SHISA6: variants seen among roughly 807,000 people sequenced by gnomAD.
The protein encoded by SHISA6 is shisa family member 6.
Under a neutral mutation model 47.9 loss-of-function variants are expected in SHISA6, and 22 were observed. The ratio of observed to expected loss-of-function variants is 0.46; its 90% CI spans 0.33 to 0.66. SHISA6 has a LOEUF of 0.66. SHISA6 is among the 30% of genes least tolerant of loss of function. The pLI, the probability that SHISA6 is intolerant of heterozygous loss-of-function variation, is 0.02. For missense variants in SHISA6, 680 were observed against 764.6 expected, an observed-to-expected ratio of 0.89 and a Z score of 1.30; for synonymous variants, 388 against 337.8, an observed-to-expected ratio of 1.15 and a Z score of -1.63.
At chr17:11,281,971 A>T (rs1249101634) in intron 2 of SHISA6, among the ~76,000 whole-genome samples, 1 of 152,252 alleles carries the variant, frequency 6.6e-6, no homozygotes, top group African/African-American at 2.4e-5. Context: ...AGCAATGGTC[A>T]AATGCATAAA....
intron 3 of SHISA6, among the ~76,000 whole-genome samples, chr17:11,503,881 A>G (rs1030366088): frequency 7.9e-5 from 12 of 152,198 alleles, no homozygotes; most frequent in Admixed American, 7.8e-4. Context: ...CTCCTTCTCT[A>G]TGTACAAGTG....
intron 3 of SHISA6, among the ~76,000 whole-genome samples, chr17:11,466,465 T>A (rs1163776933): frequency 6.6e-6 from 1 of 152,234 alleles, no homozygotes; most frequent in South Asian, 2.1e-4. Context: ...ATCTGCAAAG[T>A]CCCTTTTGCC....
chr17:11,498,305 T>A (rs1435251953), intron 3 of SHISA6, among the ~76,000 whole-genome samples: 1 of 152,210 alleles, frequency 6.6e-6, no homozygotes, highest in Non-Finnish European at 1.5e-5. Flanking sequence ...CTTGGACACA[T>A]CCATATCCTA....
At chr17:11,375,731 T>C (rs540158083) in intron 2 of SHISA6, among the ~76,000 whole-genome samples, 24 of 152,274 alleles carry the variant, frequency 1.6e-4, no homozygotes, top group African/African-American at 4.8e-4. Context: ...GACTTCTGAA[T>C]TGTGCTGAGA....
At chr17:11,307,501 C>A (rs1476703257) in intron 2 of SHISA6, among the ~76,000 whole-genome samples, 2 of 152,190 alleles carry the variant, frequency 1.3e-5, no homozygotes, top group African/African-American at 4.8e-5. Flanking sequence ...GCTTTCAGCC[C>A]AGACGTGGCT....
intron 3 of SHISA6, among the ~76,000 whole-genome samples, chr17:11,494,975 C>T (rs142223450): frequency 6.6e-6 from 1 of 152,248 alleles, no homozygotes; most frequent in African/African-American, 2.4e-5. Flanking sequence ...CTGAGGATGA[C>T]CTACCTCCTG....
intron 3 of SHISA6, among the ~76,000 whole-genome samples, chr17:11,437,486 A>G (rs1914972443): frequency 1.3e-5 from 2 of 152,262 alleles, no homozygotes; most frequent in South Asian, 4.1e-4. Flanking sequence ...TCAGTGCAGC[A>G]TTTTTTGTTT....
At chr17:11,272,055 A>C (rs1597432889) in intron 2 of SHISA6, among the ~76,000 whole-genome samples, 1 of 149,960 alleles carries the variant, frequency 6.7e-6, no homozygotes, top group African/African-American at 2.5e-5. Flanking sequence ...AGCTCCCCTT[A>C]CCTCCTCCTC....
chr17:11,244,053 C>G (rs1907480045), intron 1 of SHISA6, among the ~76,000 whole-genome samples: 1 of 152,156 alleles, frequency 6.6e-6, no homozygotes, highest in Non-Finnish European at 1.5e-5. Flanking sequence ...GGTGTTTTCT[C>G]CCCTTCCCAC....
At chr17:11,403,765 A>G (rs1426397134) in intron 3 of SHISA6, among the ~76,000 whole-genome samples, 1 of 152,228 alleles carries the variant, frequency 6.6e-6, no homozygotes, top group Non-Finnish European at 1.5e-5. Context: ...ATACTTTTAA[A>G]AAAGCAACAA....
chr17:11,321,862 T>A lies in SHISA6; in HGVS notation c.800-57552T>A, dbSNP rs115118434. On this transcript the variant is annotated intron_variant, in intron 2 of 5. Transcript: ENST00000441885. ...CTAAACTGTCTTAAAACATTGAGAG[T>A]TTTTTGTAATTTTTTTTTCAGCTCA... Among the ~76,000 whole-genome samples the A allele has an allele frequency of 5.9e-3, 898 of 152,170 alleles. 10 individuals carry two copies. The highest frequency in any genetic ancestry group is 0.02 in the African/African-American group (840 of 41,524).
chr17:11,473,317 GT>G (rs57900600), intron 3 of SHISA6, among the ~76,000 whole-genome samples: 1 of 152,010 alleles, frequency 6.6e-6, no homozygotes, highest in South Asian at 2.1e-4. Flanking sequence ...TCCATTTTGG[GT>G]TTTTTTTAAT....
At position 11,560,288 on chromosome 17, in the gene SHISA6, G is replaced by A. The variant is rs940338199; in HGVS notation, c.*1984G>A. On this transcript the variant is annotated 3_prime_UTR_variant, in exon 6 of 6. Transcript: ENST00000441885. ...CTGGGGGTTGTGAAAGCCACTGTCA[G>A]ACCCCACACTGGGGATGCATTCCTG... is the stretch of plus-strand genomic sequence containing the variant. 7.9e-5 allele frequency: 12 copies of A among 152,508 alleles called. No homozygotes were observed. Among genetic ancestry groups the A allele is most frequent in the Non-Finnish European group, 1.5e-4 (10 of 68,276 alleles). 9.4% of individuals were successfully genotyped at this position (152,508 alleles called of 1,614,324 possible).
intron 3 of SHISA6, among the ~76,000 whole-genome samples, chr17:11,393,082 A>G (rs543543546): frequency 6.6e-6 from 1 of 152,334 alleles, no homozygotes; most frequent in South Asian, 2.1e-4. Flanking sequence ...TTCTTTAGAT[A>G]TGAGACATTC....
At chr17:11,338,347 G>A (rs1337022267) in intron 2 of SHISA6, among the ~76,000 whole-genome samples, 2 of 152,128 alleles carry the variant, frequency 1.3e-5, no homozygotes, top group East Asian at 1.9e-4. Flanking sequence ...GTATCCTAGA[G>A]CCACATCCTG....
intron 2 of SHISA6, among the ~76,000 whole-genome samples, chr17:11,330,385 G>A (rs1868563065): frequency 6.6e-6 from 1 of 152,122 alleles, no homozygotes; most frequent in South Asian, 2.1e-4. Flanking sequence ...TGTGCTAGGT[G>A]ATAGCAGGCC....
chr17:11,474,051 T>G (rs1334228626), intron 3 of SHISA6, among the ~76,000 whole-genome samples: 15 of 152,180 alleles, frequency 9.9e-5, no homozygotes, highest in Admixed American at 9.8e-4. Flanking sequence ...GAATGATGGC[T>G]TCCAGCTTCA....
chr17:11,423,898 G>A (rs776347307), intron 3 of SHISA6, among the ~76,000 whole-genome samples: 3 of 152,002 alleles, frequency 2.0e-5, no homozygotes, highest in Non-Finnish European at 4.4e-5. Context: ...CATGGGAAAA[G>A]TAGTAAATAA....
intron 1 of SHISA6, among the ~76,000 whole-genome samples, chr17:11,244,767 G>A (rs888668036): frequency 3.9e-5 from 6 of 152,226 alleles, no homozygotes; most frequent in African/African-American, 1.4e-4. Flanking sequence ...CCTTGAAATA[G>A]CTCAGCAAAG....
Sources: allele counts gnomAD v4.1 joint callset (sites outside exome capture counted in the v4.1 genomes callset), GRCh38; gene constraint gnomAD v4.1.1; transcripts MANE v1.5; gene names NCBI Gene and HGNC (gene_info 2026-07-23, HGNC 2026-07-21).